PRKAR1A: variants seen among roughly 807,000 people sequenced by gnomAD.
PRKAR1A encodes the protein protein kinase cAMP-dependent type I regulatory subunit alpha.
Under a neutral mutation model 52.0 loss-of-function variants are expected in PRKAR1A, and 3 were observed. That is an observed-to-expected ratio of 0.06 (90% CI 0.03 to 0.15). PRKAR1A has a LOEUF of 0.15. PRKAR1A is among the 10% of genes least tolerant of loss of function. The pLI is 1.00. For missense variants in PRKAR1A, 240 were observed against 477.4 expected (o/e 0.50, Z 4.63); for synonymous variants, 188 against 168.4 (o/e 1.12, Z -0.90).
At chr17:68,420,198 G>C in the PRKAR1A span, 4 of 1,614,030 alleles carry the variant, frequency 2.5e-6, no homozygotes, top group Non-Finnish European at 3.4e-6. Context: ...GGTGGAGCCA[G>C]GGCGTGTGAT....
At chr17:68,470,492 G>C in the PRKAR1A span, among the ~76,000 whole-genome samples, 1,522 of 152,324 alleles carry the variant, frequency 1.0e-2, 25 homozygotes, top group African/African-American at 0.034. Flanking sequence ...TATTAGTGGA[G>C]AGGAATATTT....
chr17:68,457,685 C>T, the PRKAR1A span, among the ~76,000 whole-genome samples: 1 of 152,036 alleles, frequency 6.6e-6, no homozygotes, highest in Non-Finnish European at 1.5e-5. Flanking sequence ...CCCCTGCCTC[C>T]GGCCACCATT....
the PRKAR1A span, among the ~76,000 whole-genome samples, chr17:68,504,390 C>G: frequency 6.6e-6 from 1 of 152,086 alleles, no homozygotes; most frequent in Non-Finnish European, 1.5e-5. Context: ...TCACTTGAAC[C>G]CAGGAGGCGG....
At chr17:68,419,447 G>A in the PRKAR1A span, among the ~76,000 whole-genome samples, 4 of 152,068 alleles carry the variant, frequency 2.6e-5, no homozygotes, top group Non-Finnish European at 5.9e-5. Flanking sequence ...GTGGTGGCAG[G>A]TGCCTGTGAT....
At chr17:68,525,643 T>C in intron 6 of PRKAR1A, 111 bp from the exon 7 acceptor site, 4 of 1,236,608 alleles carry the variant, frequency 3.2e-6, no homozygotes, top group South Asian at 2.5e-5. Context: ...ATATATTCTG[T>C]TTTTTAAAAC....
the PRKAR1A span, among the ~76,000 whole-genome samples, chr17:68,473,066 T>A: frequency 6.6e-6 from 1 of 152,244 alleles, no homozygotes; most frequent in Non-Finnish European, 1.5e-5. Context: ...CAACTTCATT[T>A]TTAATTGATA....
chr17:68,536,614 C>A (rs1438663311), downstream of PRKAR1A: 1 of 452,240 alleles, frequency 2.2e-6, no homozygotes, highest in Non-Finnish European at 4.4e-6. Context: ...ATCCTGGGGT[C>A]TTAGGGAAGA....
the PRKAR1A span, among the ~76,000 whole-genome samples, chr17:68,462,765 T>G: frequency 6.6e-6 from 1 of 152,214 alleles, no homozygotes; most frequent in East Asian, 1.9e-4. Context: ...CATCTTAACC[T>G]GTGCTTCATC....
chr17:68,432,709 C>A, the PRKAR1A span, among the ~76,000 whole-genome samples: 3 of 152,184 alleles, frequency 2.0e-5, no homozygotes, highest in Admixed American at 2.0e-4. Context: ...GTACCAGCAA[C>A]CAACTCCCCA....
At chr17:68,450,636 G>C in the PRKAR1A span, 1 of 1,476,184 alleles carries the variant, frequency 6.8e-7, no homozygotes, top group Non-Finnish European at 9.1e-7. Context: ...TTGGAAGCTT[G>C]TTTTACAGAC....
chr17:68,433,417 G>A, the PRKAR1A span: 3 of 1,506,018 alleles, frequency 2.0e-6, no homozygotes, highest in African/African-American at 4.1e-5. Flanking sequence ...GAAGAGCCTA[G>A]GCCTGACTCC....
chr17:68,535,808 ATTTTT>A (rs113263481), downstream of PRKAR1A: 1 of 430,290 alleles, frequency 2.3e-6, no homozygotes, highest in Non-Finnish European at 4.6e-6. Context: ...TGCCCAGCTG[ATTTTT>A]TTTTTAAGCA....
At chr17:68,515,740 T>A in intron 2 of PRKAR1A, 164 bp downstream of exon 2, 1 of 861,044 alleles carries the variant, frequency 1.2e-6, no homozygotes, top group Non-Finnish European at 1.8e-6. Context: ...TGTAGTAATT[T>A]AAAAATTCTT....
chr17:68,476,163 T>C, the PRKAR1A span, among the ~76,000 whole-genome samples: 1 of 152,136 alleles, frequency 6.6e-6, no homozygotes, highest in Non-Finnish European at 1.5e-5. Flanking sequence ...TATAATCTAC[T>C]ATAATCTACT....
chr17:68,428,893 G>C, the PRKAR1A span: 1 of 1,614,138 alleles, frequency 6.2e-7, no homozygotes, highest in Non-Finnish European at 8.5e-7. Context: ...ATATAAAGGT[G>C]TCCACTGGAT....
At chr17:68,510,630 T>G (rs1417709523), upstream of PRKAR1A, among the ~76,000 whole-genome samples, 1 of 152,090 alleles carries the variant, frequency 6.6e-6, no homozygotes, top group Non-Finnish European at 1.5e-5. Context: ...CAGCGTAGGG[T>G]TCAGTTTATC....
the PRKAR1A span, among the ~76,000 whole-genome samples, chr17:68,435,381 G>A: frequency 7.9e-5 from 12 of 152,156 alleles, no homozygotes; most frequent in Non-Finnish European, 1.2e-4. Context: ...ATAAGACCAC[G>A]AGTTTTCATG....
At chr17:68,499,557 G>A in the PRKAR1A span, among the ~76,000 whole-genome samples, 8 of 152,244 alleles carry the variant, frequency 5.3e-5, no homozygotes, top group Admixed American at 2.0e-4. Flanking sequence ...CTATCCATCA[G>A]GGTTGCTTAC....
chr17:68,516,489 T>A (rs1420082759), intron 2 of PRKAR1A, among the ~76,000 whole-genome samples: 1 of 152,122 alleles, frequency 6.6e-6, no homozygotes, highest in Non-Finnish European at 1.5e-5. Context: ...AAGAAATGAT[T>A]CATATACCAA....
Sources: allele counts gnomAD v4.1 joint callset (sites outside exome capture counted in the v4.1 genomes callset), GRCh38; gene constraint gnomAD v4.1.1; transcripts MANE v1.5; gene names NCBI Gene and HGNC (gene_info 2026-07-23, HGNC 2026-07-21).